The following LRP1 variants were observed in gnomAD, a reference collection of about 807,000 sequenced individuals.
LRP1 encodes the protein prolow-density lipoprotein receptor-related protein 1.
Under a neutral mutation model 541.5 loss-of-function variants are expected in LRP1, and 51 were observed. That is an observed-to-expected ratio of 0.09 (90% CI 0.08 to 0.12). LRP1 has a LOEUF of 0.12. LRP1 is among the 10% of genes least tolerant of loss of function. The probability of loss-of-function intolerance (pLI) is 1.00; values close to 1 mark genes in which losing one functional copy is unlikely to be tolerated. For missense variants in LRP1, 3,878 were observed against 6,376.2 expected (o/e 0.61, Z 13.34); for synonymous variants, 2,219 against 2,470.8 (o/e 0.90, Z 3.02).
intron 18 of LRP1, 128 bp from the exon 19 acceptor site, chr12:57,167,316 G>A (rs2136689004): frequency 2.7e-6 from 2 of 735,658 alleles, no homozygotes; most frequent in East Asian, 2.5e-5. Flanking sequence ...CTGCTGCGGG[G>A]CCTTCCCCAC....
intron 70 of LRP1, chr12:57,203,790 A>C: frequency 2.2e-6 from 1 of 447,372 alleles, no homozygotes; most frequent in Non-Finnish European, 3.9e-6. Context: ...AATCCAGCAA[A>C]CCCTGAGGGC....
chr12:57,185,306 T>C lies in LRP1; in HGVS notation c.6463+101T>C. ...AGTGTGAGAGGGCTGGGAGACAAGT[T>C]AGACCCATGGGGCAACTTCCGATGG... On this transcript the variant is annotated intron_variant, in intron 40 of 88. Coordinates refer to ENST00000243077, the MANE Select transcript of LRP1 (RefSeq NM_002332.3). The surrounding 1 kb of genome is among the most constrained non-coding windows in gnomAD (Gnocchi z 4.9). 6.6e-7 allele frequency: 1 copy of C among 1,517,570 alleles called. No homozygotes were observed. Among genetic ancestry groups the C allele is most frequent in the South Asian group, 1.3e-5 (1 of 79,962 alleles). 94.0% of individuals were successfully genotyped at this position (1,517,570 alleles called of 1,614,324 possible). A position where few individuals can be genotyped will look rare whatever the true frequency, so the allele number is the denominator to read the frequency against.
Position 57,211,120 on chromosome 12 carries a change from T to C in LRP1, c.12917-56T>C. 6.3e-7 allele frequency: 1 copy of C among 1,575,122 alleles called. No individual in the cohort carries two copies. Among genetic ancestry groups the C allele is most frequent in the South Asian group, 1.1e-5 (1 of 89,216 alleles). On this transcript the variant is annotated intron_variant, in intron 83 of 88. Transcript: ENST00000243077. The surrounding 1 kb of genome is among the most constrained non-coding windows in gnomAD (Gnocchi z 4.3). Reference sequence around the variant, plus strand: ...AAACAGAAAAGCTCTGTTCAACCTATGGAGAGCCCTCATGAGGGTGGGGCT... The same window carrying C: ...AAACAGAAAAGCTCTGTTCAACCTACGGAGAGCCCTCATGAGGGTGGGGCT...
Position 57,146,710 on chromosome 12 carries a change from T to G in LRP1, c.841+1220T>G, listed in dbSNP as rs1396601845. 3.9e-5 allele frequency: 6 copies of G among 152,454 alleles called. No homozygotes were observed. In the South Asian group the frequency reaches 1.0e-3, roughly 26 times the overall value. 9.4% of individuals were successfully genotyped at this position (152,454 alleles called of 1,614,324 possible). A position where few individuals can be genotyped will look rare whatever the true frequency, so the allele number is the denominator to read the frequency against. On this transcript the variant is annotated intron_variant, in intron 6 of 88. Coordinates refer to ENST00000243077, the MANE Select transcript of LRP1 (RefSeq NM_002332.3). ...CCTGATAGCGTCCTTGGGCTGCTGC[T>G]GTCCACAGCTCACCTGTGATCAGAC...
intron 49 of LRP1, 21 bp from the exon 50 acceptor site, chr12:57,194,556 C>A: frequency 6.2e-7 from 1 of 1,612,710 alleles, no homozygotes; most frequent in South Asian, 1.1e-5. Flanking sequence ...GCAGGGCCCT[C>A]ACACCTGCCT....
intron 42 of LRP1, among the ~76,000 whole-genome samples, chr12:57,190,087 C>T (rs2036347496): frequency 6.6e-6 from 1 of 152,188 alleles, no homozygotes; most frequent in Non-Finnish European, 1.5e-5. Context: ...GCGACAGGCT[C>T]ATTCAAAGTT....
In LRP1 at chr12:57,177,947, CT is replaced by C. The variant is rs34010163; in HGVS notation, c.4361+375del. 0.36 allele frequency among the ~76,000 whole-genome samples: 43,668 copies of C among 121,192 alleles called. 7,296 individuals are homozygous for C. Among genetic ancestry groups the C allele is most frequent in the African/African-American group, 0.56 (16,262 of 29,142 alleles). 79.5% of individuals were successfully genotyped at this position (121,192 alleles called of 152,430 possible). Reference sequence around the variant, plus strand: ...CCCAGGGAGGGTGCCTTTTTCTTTTCTTTTTTTTTTTTTTTTTTTGAGACAG... The same window carrying C: ...CCCAGGGAGGGTGCCTTTTTCTTTTCTTTTTTTTTTTTTTTTTTGAGACAG... On this transcript the variant is annotated intron_variant, in intron 26 of 88. Transcript: ENST00000243077. This position sits in a 1 kb window ranked among gnomAD's most constrained non-coding sequence, Gnocchi z 6.8.
Position 57,128,956 on chromosome 12 carries a change from G to A in LRP1, c.-9G>A. The stretch of plus-strand genomic sequence containing the variant: ...GGGGAAGGGGCTGCTGCTTGCATCA[G>A]CCCACACCATGCTGACCCCGCCGTT... On this transcript the variant is annotated 5_prime_UTR_variant, in exon 1 of 89. Coordinates refer to ENST00000243077, the MANE Select transcript of LRP1 (RefSeq NM_002332.3). 6.5e-7 allele frequency: 1 copy of A among 1,549,330 alleles called. No individual in the cohort carries two copies. The highest frequency in any genetic ancestry group is 8.7e-7 in the Non-Finnish European group (1 of 1,145,360).
intron 4 of LRP1, 130 bp from the exon 5 acceptor site, chr12:57,144,842 G>C (rs759160951): frequency 1.1e-5 from 10 of 910,508 alleles, no homozygotes; most frequent in Admixed American, 3.6e-5. Flanking sequence ...ATTTCATGCT[G>C]TAATAGATTC....
In LRP1 at chr12:57,199,276, C is replaced by T. The variant is rs199927852; in HGVS notation, c.9741C>T (p.Thr3247=). Residue 3247 remains threonine (T), a synonymous_variant, in exon 61 of 89, where the codon ACC becomes ACT. Transcript: ENST00000243077. ...TGTTTGAGGACTACGTCTACTGGACCGACTGGGAAACAAAGTCCATTAACC... is the reference window on the plus strand; with the variant it reads ...TGTTTGAGGACTACGTCTACTGGACTGACTGGGAAACAAAGTCCATTAACC... ...LTLFEDYVYW[T]DWETKSINRA... is the part of the protein sequence containing the mutation. The T allele has an allele frequency of 3.1e-4, 493 of 1,613,920 alleles. 6 individuals are homozygous for T. The highest frequency in any genetic ancestry group is 2.8e-3 in the South Asian group (257 of 91,078).
In LRP1 at chr12:57,196,283, C is replaced by T. The variant is rs776437003; in HGVS notation, c.8892+6C>T. 1 of 1,570,900 alleles carries T rather than the reference C, an allele frequency of 6.4e-7. No individual in the cohort carries two copies. Among genetic ancestry groups the T allele is most frequent in the Admixed American group, 1.8e-5 (1 of 56,590 alleles). On this transcript the variant is annotated splice_donor_region_variant and intron_variant, in intron 55 of 88. Transcript: ENST00000243077. ...ACCTCAAGATCGGCTTCAAGGTATG[C>T]CCAGCCCTGGGGAGGAGCTTCCACA... is the stretch of plus-strand genomic sequence containing the variant.
chr12:57,175,878 T>C (rs767531548), intron 23 of LRP1, 31 bp from the exon 24 acceptor site: 18 of 1,610,620 alleles, frequency 1.1e-5, no homozygotes, highest in Non-Finnish European at 1.4e-5. Flanking sequence ...GCTAGCCCCT[T>C]GCTGACCCCA....
At position 57,194,906 on chromosome 12, in the gene LRP1, G is replaced by A; in HGVS notation, c.8192-79G>A. 6 of 1,281,882 alleles carry A rather than the reference G, an allele frequency of 4.7e-6. No homozygotes were observed. The South Asian group carries it at 6.0e-5, about 13-fold the overall frequency. The allele number at this position is 1,281,882 out of a possible 1,614,324, so 79.4% of individuals were successfully genotyped here. A position where few individuals can be genotyped will look rare whatever the true frequency, so the allele number is the denominator to read the frequency against. ...GAGGGGTGCTGTGGGCATCTCTCCT[G>A]TCCTTCCCATGGCATCAGCCTCCCC... On this transcript the variant is annotated intron_variant, in intron 50 of 88. Transcript: ENST00000243077.
At position 57,179,968 on chromosome 12, in the gene LRP1, G is replaced by C; in HGVS notation, c.5141+12G>C. Reference sequence around the variant, plus strand: ...CACCCTCTGCGTGGGTCAGTCTAGGGCCCAGGGCCGGGGAGCATGGGGTGT... The same window carrying C: ...CACCCTCTGCGTGGGTCAGTCTAGGCCCCAGGGCCGGGGAGCATGGGGTGT... On this transcript the variant is annotated intron_variant, in intron 30 of 88. Transcript: ENST00000243077. This position sits in a 1 kb window ranked among gnomAD's most constrained non-coding sequence, Gnocchi z 6.8. 6.2e-7 allele frequency: 1 copy of C among 1,613,980 alleles called. No individual in the cohort carries two copies. The highest frequency in any genetic ancestry group is 8.5e-7 in the Non-Finnish European group (1 of 1,179,948).
At position 57,208,754 on chromosome 12, in the gene LRP1, A is replaced by G. The variant is rs1280322801; in HGVS notation, c.12082A>G (p.Thr4028Ala). 3.1e-6 allele frequency: 5 copies of G among 1,613,862 alleles called. No individual in the cohort carries two copies. Among genetic ancestry groups the G allele is most frequent in the South Asian group, 2.2e-5 (2 of 91,078 alleles). The change falls in exon 78 of 89, where the codon ACG becomes GCG. Residue 4028 changes from threonine (T) to alanine (A), a missense_variant. Thr to Ala is a moderately conservative substitution (Grantham distance 58). This residue lies in a region of LRP1 where 871 missense variants were observed against 1,212.4 expected (regional missense o/e 0.72). Coordinates refer to ENST00000243077, the MANE Select transcript of LRP1 (RefSeq NM_002332.3). ...CTGGGGCAACCACCCCAAGATTGAG[A>G]CGGCAGCGATGGATGGGACGCTTCG... ...SDWGNHPKIE[T>A]AAMDGTLRET...
At position 57,206,177 on chromosome 12, in the gene LRP1, G is replaced by C. The variant is rs530155643; in HGVS notation, c.11591-296G>C. ...TGCCAGGCAGTTTGTAGCAGAGAGCGTGGTGATGCCATCCAGCAGCCGTGA... is the reference window on the plus strand; with the variant it reads ...TGCCAGGCAGTTTGTAGCAGAGAGCCTGGTGATGCCATCCAGCAGCCGTGA... On this transcript the variant is annotated intron_variant, in intron 75 of 88. Coordinates refer to ENST00000243077, the MANE Select transcript of LRP1 (RefSeq NM_002332.3). The surrounding 1 kb of genome is among the most constrained non-coding windows in gnomAD (Gnocchi z 4.7). Among the ~76,000 whole-genome samples the C allele has an allele frequency of 1.3e-5, 2 of 152,348 alleles. No homozygotes were observed. The highest frequency in any genetic ancestry group is 4.8e-5 in the African/African-American group (2 of 41,586).
Position 57,208,771 on chromosome 12 carries a change from G to A in LRP1, c.12099G>A (p.Gly4033=), listed in dbSNP as rs1209361746. Residue 4033 remains glycine, a synonymous_variant, in exon 78 of 89, where the codon GGG becomes GGA. Coordinates refer to ENST00000243077, the MANE Select transcript of LRP1 (RefSeq NM_002332.3). ...HPKIETAAMD[G]TLRETLVQDN... is the part of the protein sequence containing the mutation. ...AGATTGAGACGGCAGCGATGGATGG[G>A]ACGCTTCGGGAGACACTGGTGCAGG... 2 of 1,614,098 alleles carry A rather than the reference G, an allele frequency of 1.2e-6. No individual in the cohort carries two copies. Among genetic ancestry groups the A allele is most frequent in the South Asian group, 1.1e-5 (1 of 91,078 alleles).
rs1348124085 is a variant in LRP1, at chr12:57,205,202, T to G, written c.11288T>G (p.Met3763Arg). Residue 3763 changes from methionine to arginine, a missense_variant, in exon 73 of 89, where the codon ATG becomes AGG. Transcript: ENST00000243077. This position sits in a 1 kb window ranked among gnomAD's most constrained non-coding sequence, Gnocchi z 4.6. ...CTCTCCTCCTCCCTGCGCTGCAACA[T>G]GTTCGATGACTGCGGGGACGGCTCT... ...RCLSSSLRCNMFDDCGDGSDE... is the reference protein window; with the variant it reads ...RCLSSSLRCNRFDDCGDGSDE... 6.2e-7 allele frequency: 1 copy of G among 1,613,772 alleles called. No individual in the cohort carries two copies. The highest frequency in any genetic ancestry group is 2.2e-5 in the East Asian group (1 of 44,858).
intron 1 of LRP1, among the ~76,000 whole-genome samples, chr12:57,132,446 T>G (rs189853538): frequency 2.4e-3 from 358 of 152,238 alleles, no homozygotes; most frequent in African/African-American, 8.0e-3. Context: ...CTCCCTTGAG[T>G]CAGGCACTGC....
Sources: gnomAD v4.1 joint callset for allele counts (sites outside exome capture counted in the v4.1 genomes callset) on GRCh38, gnomAD v4.1.1 for gene constraint, gnomAD v4.1.1 regional missense constraint, Gnocchi (gnomAD v3.1) non-coding constraint, MANE v1.5 for transcripts, NCBI Gene and HGNC (gene_info 2026-07-23, HGNC 2026-07-21) for gene names.